ZNF611: variants seen among roughly 807,000 people sequenced by gnomAD.
ZNF611 encodes zinc finger protein 611.
ZNF611 carries 6 observed loss-of-function variants against 8.9 expected under a neutral mutation model. That is an observed-to-expected ratio of 0.68 (90% CI 0.37 to 1.34). The LOEUF (loss-of-function observed/expected upper bound fraction) is 1.34, where lower values mean the gene tolerates loss of function less well. Among genes scored for constraint, ZNF611 ranks in the 40% most tolerant of loss-of-function variants. ZNF611 has a pLI of 0.02. For synonymous variants in ZNF611, 262 were observed against 279.7 expected (o/e 0.94, Z 0.63); for missense variants, 874 against 841.3 (o/e 1.04, Z -0.48).
At chr19:52,728,661 T>A (rs1259724713) in intron 3 of ZNF611, 69 bp downstream of exon 3, 2 of 152,272 alleles carry the variant, frequency 1.3e-5, no homozygotes, top group African/African-American at 4.8e-5. Flanking sequence ...TCTTTCTTTA[T>A]TTTCAAAGGA....
At chr19:52,733,619 C>T (rs1309134586) in intron 1 of ZNF611, among the ~76,000 whole-genome samples, 1 of 152,126 alleles carries the variant, frequency 6.6e-6, no homozygotes, top group Non-Finnish European at 1.5e-5. Flanking sequence ...CCTCTTTCTT[C>T]ATTACTGTGC....
At chr19:52,724,493 C>T (rs1437527580) in intron 3 of ZNF611, 1 of 152,160 alleles carries the variant, frequency 6.6e-6, no homozygotes, top group Admixed American at 6.6e-5. Context: ...TTTCTTATGT[C>T]TACTTCTTTC....
At chr19:52,729,511 A>AG (rs1469508610) in intron 2 of ZNF611, among the ~76,000 whole-genome samples, 12 of 148,842 alleles carry the variant, frequency 8.1e-5, no homozygotes, top group African/African-American at 2.7e-4. Flanking sequence ...AAAAAAAAAA[A>AG]AAAAAAAGAA....
chr19:52,707,485 G>C (rs1338652493), intron 5 of ZNF611: 1 of 150,922 alleles, frequency 6.6e-6, no homozygotes, highest in Non-Finnish European at 1.5e-5. Context: ...GGTAGAGGTT[G>C]CAGTGAGCCA....
At chr19:52,719,627 C>G (rs1157562966) in intron 3 of ZNF611, among the ~76,000 whole-genome samples, 2 of 152,218 alleles carry the variant, frequency 1.3e-5, no homozygotes, top group African/African-American at 4.8e-5. Flanking sequence ...CCAGGGTCCC[C>G]CTTCATCTTC....
At chr19:52,715,577 A>G (rs2062311021) in intron 4 of ZNF611, among the ~76,000 whole-genome samples, 1 of 152,142 alleles carries the variant, frequency 6.6e-6, no homozygotes, top group Non-Finnish European at 1.5e-5. Flanking sequence ...ACGGGCTCAC[A>G]CCCCATGTTT....
At chr19:52,726,385 T>C (rs1651502354) in intron 3 of ZNF611, among the ~76,000 whole-genome samples, 1 of 152,176 alleles carries the variant, frequency 6.6e-6, no homozygotes, top group African/African-American at 2.4e-5. Flanking sequence ...CTCTTCATTG[T>C]CTCTCTCGCG....
At chr19:52,709,598 G>A (rs1388765432) in intron 5 of ZNF611, among the ~76,000 whole-genome samples, 5 of 150,524 alleles carry the variant, frequency 3.3e-5, no homozygotes, top group South Asian at 2.1e-4. Flanking sequence ...ACAGAATTTC[G>A]CTCTTGTTGC....
At chr19:52,716,199 A>G in intron 3 of ZNF611, 1 of 302,632 alleles carries the variant, frequency 3.3e-6, no homozygotes. Flanking sequence ...CTCATCCTTC[A>G]TCAATTGCCA....
rs1013439696 is a variant in ZNF611 at position 52,704,654 on chromosome 19, C to A, written c.*283G>T. 1 of 1,588,002 alleles carries A rather than the reference C, an allele frequency of 6.3e-7. No individual in the cohort carries two copies. The highest frequency in any genetic ancestry group is 1.7e-4 in the Middle Eastern group (1 of 6,006). On this transcript the variant is annotated 3_prime_UTR_variant, in exon 6 of 6. Coordinates refer to ENST00000652185, the MANE Select transcript of ZNF611 (RefSeq NM_001161499.2). ...CTCCAATGATTTGTAATCGTTGTAG[C>A]ATTACTGAAGACTTTGTGACAATCA...
intron 3 of ZNF611, among the ~76,000 whole-genome samples, chr19:52,726,901 T>G (rs901052183): frequency 6.6e-6 from 1 of 152,208 alleles, no homozygotes; most frequent in African/African-American, 2.4e-5. Context: ...AGTATTTCTC[T>G]GTGGCCCGTG....
intron 3 of ZNF611, chr19:52,723,821 G>A (rs2062375039): frequency 6.6e-6 from 1 of 152,208 alleles, no homozygotes. Context: ...AGGAAATCAT[G>A]TAAGCAAAGC....
At chr19:52,731,402 G>C (rs1364610085) in intron 1 of ZNF611, among the ~76,000 whole-genome samples, 1 of 151,608 alleles carries the variant, frequency 6.6e-6, no homozygotes, top group Non-Finnish European at 1.5e-5. Flanking sequence ...ACGGACTCTA[G>C]CTCTGTTGCC....
chr19:52,705,808 T>A lies in ZNF611; in HGVS notation c.1247A>T (p.His416Leu). The change falls in exon 6 of 6, where the codon CAT becomes CTT. Residue 416 changes from histidine (H) to leucine (L), a missense_variant. Coordinates refer to ENST00000652185, the MANE Select transcript of ZNF611 (RefSeq NM_001161499.2). ...AFTWHSQLAR[H>L]RRIHTAKKTY... The stretch of plus-strand genomic sequence containing the variant: ...TTTCTTTGCAGTATGAATTCTTCTA[T>A]GTCGAGCCAGCTGTGAATGCCACGT... The A allele has an allele frequency of 6.2e-7, 1 of 1,613,994 alleles. No individual in the cohort carries two copies. Among genetic ancestry groups the A allele is most frequent in the Non-Finnish European group, 8.5e-7 (1 of 1,179,994 alleles).
At position 52,704,248 on chromosome 19, in the gene ZNF611, T is replaced by C; in HGVS notation, c.*689A>G. The C allele has an allele frequency of 2.2e-6, 1 of 457,212 alleles. No individual in the cohort carries two copies. Among genetic ancestry groups the C allele is most frequent in the South Asian group, 1.8e-5 (1 of 56,986 alleles). The allele number at this position is 457,212 out of a possible 1,614,324, so 28.3% of individuals were successfully genotyped here. A position where few individuals can be genotyped will look rare whatever the true frequency, so the allele number is the denominator to read the frequency against. On this transcript the variant is annotated 3_prime_UTR_variant, in exon 6 of 6. Transcript: ENST00000652185. Reference sequence around the variant, plus strand: ...CCAATGTCAATTAATGCTTGATGGTTTGCTATACTCATTTCATTGGGAACG... The same window carrying C: ...CCAATGTCAATTAATGCTTGATGGTCTGCTATACTCATTTCATTGGGAACG...
In ZNF611 at chr19:52,715,539, C is replaced by T. The variant is rs200000502; in HGVS notation, c.63+293G>A. Reference sequence around the variant, plus strand: ...ACATCCAGATGTGGCCCGTGAACAACCCAGGCTGCCCAGCAGCACTGACAT... The same window carrying T: ...ACATCCAGATGTGGCCCGTGAACAATCCAGGCTGCCCAGCAGCACTGACAT... On this transcript the variant is annotated intron_variant, in intron 4 of 5. Coordinates refer to ENST00000652185, the MANE Select transcript of ZNF611 (RefSeq NM_001161499.2). Among the ~76,000 whole-genome samples the T allele has an allele frequency of 2.7e-4, 41 of 152,304 alleles. No individual in the cohort carries two copies. In the East Asian group the frequency reaches 6.4e-3, roughly 24 times the overall value.
Position 52,704,508 on chromosome 19 carries a change from G to A in ZNF611, c.*429C>T. On this transcript the variant is annotated 3_prime_UTR_variant, in exon 6 of 6. Coordinates refer to ENST00000652185, the MANE Select transcript of ZNF611 (RefSeq NM_001161499.2). ...AAGCTTGACTGAAGACCTTGGCACA[G>A]TCATGACATTTGTAAGGTTTCTCTC... 9.6e-7 allele frequency: 1 copy of A among 1,045,866 alleles called. No homozygotes were observed. The highest frequency in any genetic ancestry group is 1.3e-5 in the South Asian group (1 of 75,738). The allele number at this position is 1,045,866 out of a possible 1,614,324, so 64.8% of individuals were successfully genotyped here. A position where few individuals can be genotyped will look rare whatever the true frequency, so the allele number is the denominator to read the frequency against.
chr19:52,722,244 T>A (rs1161687045), intron 3 of ZNF611, among the ~76,000 whole-genome samples: 1 of 151,982 alleles, frequency 6.6e-6, no homozygotes, highest in Non-Finnish European at 1.5e-5. Context: ...TAGCCGGGCT[T>A]GGTGTCTCAC....
chr19:52,713,347 G>T (rs571744444), intron 5 of ZNF611, among the ~76,000 whole-genome samples: 1 of 152,056 alleles, frequency 6.6e-6, no homozygotes, highest in Non-Finnish European at 1.5e-5. Context: ...TCTCTTACAG[G>T]GTTGATCCTA....
Sources: gnomAD v4.1 joint callset for allele counts (sites outside exome capture counted in the v4.1 genomes callset) on GRCh38, gnomAD v4.1.1 for gene constraint, MANE v1.5 for transcripts, NCBI Gene and HGNC (gene_info 2026-07-23, HGNC 2026-07-21) for gene names.